The following RB1 variants were observed in gnomAD, a reference collection of about 807,000 sequenced individuals.
The protein encoded by RB1 is retinoblastoma-associated protein.
Under a neutral mutation model 135.4 loss-of-function variants are expected in RB1, and 18 were observed. The ratio of observed to expected loss-of-function variants is 0.13; its 90% CI spans 0.09 to 0.20. The LOEUF (loss-of-function observed/expected upper bound fraction) is 0.20, where lower values mean the gene tolerates loss of function less well. Ranked by LOEUF, RB1 falls within the 10% of genes least tolerant of loss-of-function variation. The pLI, the probability that RB1 is intolerant of heterozygous loss-of-function variation, is 1.00. For missense variants in RB1, 868 were observed against 1,110.0 expected (o/e 0.78, Z 3.10); for synonymous variants, 365 against 373.2 (o/e 0.98, Z 0.25).
intron 26 of RB1, among the ~76,000 whole-genome samples, chr13:48,478,348 C>T (rs944875668): frequency 6.6e-6 from 1 of 152,030 alleles, no homozygotes; most frequent in Non-Finnish European, 1.5e-5. Flanking sequence ...ACAAAATTTT[C>T]TAGTTATAAA....
intron 17 of RB1, among the ~76,000 whole-genome samples, chr13:48,419,978 AT>A: frequency 6.6e-6 from 1 of 152,206 alleles, no homozygotes; most frequent in East Asian, 1.9e-4. Flanking sequence ...AGCTGGTACT[AT>A]TCCTTCTGAA....
At chr13:48,359,292 A>T (rs1358291481) in intron 6 of RB1, among the ~76,000 whole-genome samples, 1 of 151,722 alleles carries the variant, frequency 6.6e-6, no homozygotes, top group Non-Finnish European at 1.5e-5. Flanking sequence ...TTTATGGTGA[A>T]CAATTATTTT....
intron 2 of RB1, among the ~76,000 whole-genome samples, chr13:48,326,393 T>G (rs1287322132): frequency 6.6e-6 from 1 of 152,080 alleles, no homozygotes; most frequent in African/African-American, 2.4e-5. Context: ...TTTGACAAAT[T>G]TATTGGTATT....
intron 2 of RB1, among the ~76,000 whole-genome samples, chr13:48,309,256 C>G (rs774815383): frequency 1.3e-5 from 2 of 152,144 alleles, no homozygotes; most frequent in African/African-American, 4.8e-5. Flanking sequence ...CAGACAGATA[C>G]TTTTAATGAA....
At chr13:48,451,732 C>A (rs1286252379) in intron 17 of RB1, among the ~76,000 whole-genome samples, 1 of 97,682 alleles carries the variant, frequency 1.0e-5, no homozygotes, top group Admixed American at 1.4e-4. Flanking sequence ...TGCATCTGAT[C>A]CTGGGATTTT....
At position 48,465,046 on chromosome 13, in the gene RB1, G is replaced by A. The variant is rs587778642; in HGVS notation, c.2260G>A (p.Val754Ile). The change falls in exon 22 of 27, where the codon GTA becomes ATA. Residue 754 changes from valine (V) to isoleucine (I), a missense_variant. Around this residue, in one of 3 missense-constraint regions of RB1, gnomAD observed 196 missense variants for 239.8 expected, o/e 0.82. Coordinates refer to ENST00000267163, the MANE Select transcript of RB1 (RefSeq NM_000321.3). Reference sequence around the variant, plus strand: ...AGAAGAGGAGTATGATTCTATTATAGTATTCTATAACTCGGTCTTCATGCA... The same window carrying A: ...AGAAGAGGAGTATGATTCTATTATAATATTCTATAACTCGGTCTTCATGCA... ...IKEEEYDSIIVFYNSVFMQRL... is the reference protein window; with the variant it reads ...IKEEEYDSIIIFYNSVFMQRL... 6.7e-7 allele frequency: 1 copy of A among 1,483,800 alleles called. No individual in the cohort carries two copies. Among genetic ancestry groups the A allele is most frequent in the East Asian group, 2.9e-5 (1 of 35,040 alleles). The allele number at this position is 1,483,800 out of a possible 1,614,324, so 91.9% of individuals were successfully genotyped here.
chr13:48,317,980 G>C (rs1290419448), intron 2 of RB1: 4 of 465,406 alleles, frequency 8.6e-6, no homozygotes, highest in South Asian at 1.9e-5. Flanking sequence ...TCTACAGTTC[G>C]ATGCTCTCGT....
chr13:48,381,122 T>C, intron 16 of RB1, 125 bp from the exon 17 acceptor site: 1 of 1,319,066 alleles, frequency 7.6e-7, no homozygotes. Flanking sequence ...AAATAAAAAA[T>C]TCTGCTCTAA....
At chr13:48,454,358 A>G (rs979444327) in intron 18 of RB1, among the ~76,000 whole-genome samples, 8 of 152,348 alleles carry the variant, frequency 5.3e-5, no homozygotes, top group African/African-American at 1.9e-4. Context: ...TTTCATGCTA[A>G]CTTGTACCCA....
intron 16 of RB1, among the ~76,000 whole-genome samples, chr13:48,380,654 A>G (rs1948527998): frequency 6.6e-6 from 1 of 152,220 alleles, no homozygotes; most frequent in Admixed American, 6.5e-5. Context: ...AACAAAGGCC[A>G]ATTACAATGT....
intron 17 of RB1, among the ~76,000 whole-genome samples, chr13:48,449,744 C>A (rs569396452): frequency 5.3e-5 from 8 of 152,222 alleles, no homozygotes; most frequent in African/African-American, 1.9e-4. Context: ...AGTGTTGTAT[C>A]TGAAAGGTTT....
At chr13:48,340,763 A>G (rs1379169937) in intron 2 of RB1, 1 of 162,022 alleles carries the variant, frequency 6.2e-6, no homozygotes, top group Non-Finnish European at 1.4e-5. Flanking sequence ...TTCCCAAGAA[A>G]TTGACCATAT....
At chr13:48,351,078 T>C (rs1593438985) in intron 6 of RB1, among the ~76,000 whole-genome samples, 2 of 152,330 alleles carry the variant, frequency 1.3e-5, no homozygotes, top group Admixed American at 1.3e-4. Flanking sequence ...ATGATTTCTA[T>C]TCCTTTGAGT....
intron 23 of RB1, among the ~76,000 whole-genome samples, chr13:48,472,745 C>T (rs1287970709): frequency 1.3e-5 from 2 of 152,056 alleles, no homozygotes; most frequent in Non-Finnish European, 2.9e-5. Context: ...GGCCACTTAT[C>T]AAGGAATTGG....
chr13:48,355,766 C>T (rs572364841), intron 6 of RB1, among the ~76,000 whole-genome samples: 18 of 152,000 alleles, frequency 1.2e-4, no homozygotes, highest in South Asian at 1.0e-3. Flanking sequence ...TAGTCATTTG[C>T]GACAACATAG....
chr13:48,363,067 G>T, intron 8 of RB1, 110 bp downstream of exon 8: 1 of 1,365,904 alleles, frequency 7.3e-7, no homozygotes. Context: ...TGTAATTAGT[G>T]CTAACTCTTT....
chr13:48,476,641 T>A (rs985167454), intron 24 of RB1, 60 bp from the exon 25 acceptor site: 22 of 1,556,236 alleles, frequency 1.4e-5, no homozygotes, highest in Non-Finnish European at 1.9e-5. Context: ...TAACTTGAGG[T>A]TGCTAACTAT....
chr13:48,325,789 G>A (rs1162999705), intron 2 of RB1, among the ~76,000 whole-genome samples: 1 of 151,998 alleles, frequency 6.6e-6, no homozygotes, highest in African/African-American at 2.4e-5. Flanking sequence ...ACAAACCGTT[G>A]CGGTGAATTA....
intron 17 of RB1, among the ~76,000 whole-genome samples, chr13:48,385,969 G>A (rs2138151359): frequency 6.6e-6 from 1 of 151,488 alleles, no homozygotes; most frequent in South Asian, 2.1e-4. Context: ...ATTTTGGGAG[G>A]CTGAGGTGGG....
Sources: gnomAD v4.1 joint callset for allele counts (sites outside exome capture counted in the v4.1 genomes callset) on GRCh38, gnomAD v4.1.1 for gene constraint, gnomAD v4.1.1 regional missense constraint, MANE v1.5 for transcripts, NCBI Gene and HGNC (gene_info 2026-07-23, HGNC 2026-07-21) for gene names.